The following RBM6 variants were observed in gnomAD, a reference collection of about 807,000 sequenced individuals.
The protein encoded by RBM6 is RNA binding motif protein 6.
In RBM6, 23 loss-of-function variants were observed where a neutral mutation model predicts 140.4. That is an observed-to-expected ratio of 0.16 (90% confidence interval 0.12 to 0.23). The LOEUF is 0.23. Ranked by LOEUF, RBM6 falls within the 10% of genes least tolerant of loss-of-function variation. The pLI is 1.00. For synonymous variants in RBM6, 439 were observed against 475.6 expected (o/e 0.92, Z 1.00); for missense variants, 1,139 against 1,386.7 (o/e 0.82, Z 2.84).
rs57797585 is a variant in RBM6, at chr3:50,030,286, TAA to T, written c.1558-17933_1558-17932del. On this transcript the variant is annotated intron_variant, in intron 6 of 20. Transcript: ENST00000266022. ...TGACAGAGTGAGACTCTTTTTGTCTTAAAAAAAAAAAAAAAAAAAAAAAAAAA... is the reference window on the plus strand; with the variant it reads ...TGACAGAGTGAGACTCTTTTTGTCTTAAAAAAAAAAAAAAAAAAAAAAAAA... Among the ~76,000 whole-genome samples the T allele has an allele frequency of 2.6e-3, 267 of 103,870 alleles. 3 individuals carry two copies. The highest frequency in any genetic ancestry group is 1.0e-2 in the African/African-American group (254 of 25,424). 68.1% of individuals were successfully genotyped at this position (103,870 alleles called of 152,430 possible).
At chr3:50,021,421 C>T (rs2087473742) in intron 6 of RBM6, among the ~76,000 whole-genome samples, 1 of 152,122 alleles carries the variant, frequency 6.6e-6, no homozygotes, top group Non-Finnish European at 1.5e-5. Flanking sequence ...AGGCAGATCA[C>T]CTGAGGTCAG....
chr3:50,076,304 C>T (rs937291058), intron 20 of RBM6, among the ~76,000 whole-genome samples: 5 of 149,738 alleles, frequency 3.3e-5, no homozygotes, highest in Admixed American at 6.7e-5. Flanking sequence ...TGCCAGGGTC[C>T]GGGCGCAGTG....
At position 50,061,560 on chromosome 3, in the gene RBM6, C is replaced by CTTTTTTTTTTTT. The variant is rs10663019; in HGVS notation, c.2439+26_2439+37dup. The stretch of plus-strand genomic sequence containing the variant: ...CCCCAATACCCAGGTGAGTTTGGGG[C>CTTTTTTTTTTTT]TTTTTTTTTTTTTTTTTTTTTTTTA... On this transcript the variant is annotated intron_variant, in intron 14 of 20. Transcript: ENST00000266022. 341 of 1,270,222 alleles carry CTTTTTTTTTTTT rather than the reference C, an allele frequency of 2.7e-4. No individual in the cohort carries two copies. The highest frequency in any genetic ancestry group is 2.3e-3 in the South Asian group (118 of 50,824). 78.7% of individuals were successfully genotyped at this position (1,270,222 alleles called of 1,614,324 possible). A position where few individuals can be genotyped will look rare whatever the true frequency, so the allele number is the denominator to read the frequency against.
At chr3:50,004,635 TGA>T in intron 6 of RBM6, among the ~76,000 whole-genome samples, 1 of 152,042 alleles carries the variant, frequency 6.6e-6, no homozygotes, top group East Asian at 1.9e-4. Flanking sequence ...TTTATTTTTT[TGA>T]GACTTAGGGT....
intron 15 of RBM6, among the ~76,000 whole-genome samples, chr3:50,064,670 C>A (rs1483522725): frequency 2.0e-5 from 3 of 152,006 alleles, no homozygotes; most frequent in Non-Finnish European, 4.4e-5. Context: ...AACCACCACA[C>A]CCAGCTAATT....
chr3:49,980,685 T>G lies in RBM6; in HGVS notation c.1483+5293T>G, dbSNP rs957887698. 3.4e-5 allele frequency among the ~76,000 whole-genome samples: 5 copies of G among 147,210 alleles called. No individual in the cohort carries two copies. In the Admixed American group the frequency reaches 3.5e-4, roughly 10 times the overall value. On this transcript the variant is annotated intron_variant, in intron 5 of 20. Transcript: ENST00000266022. The stretch of plus-strand genomic sequence containing the variant: ...GCTAAGGCAGGAGAATCACTTGAAC[T>G]CGGGAGGCGGAGGTTGCAGTGAGCC...
At chr3:49,958,235 T>C (rs1404400763) in intron 1 of RBM6, among the ~76,000 whole-genome samples, 6 of 148,904 alleles carry the variant, frequency 4.0e-5, no homozygotes, top group Non-Finnish European at 6.0e-5. Context: ...ACCATCCTGG[T>C]TAACACAGTG....
In RBM6 at chr3:49,968,622, C is replaced by T. The variant is rs777359435; in HGVS notation, c.1197C>T (p.Thr399=). Residue 399 remains threonine, a synonymous_variant, in exon 3 of 21, where the codon ACC becomes ACT. Transcript: ENST00000266022. ...TGGACTTTCTTGGGCGGCAAGACAC[C>T]GATTACAGAAGCATGGAGTACCGTG... is the stretch of plus-strand genomic sequence containing the variant. ...GGLDFLGRQD[T]DYRSMEYRDV... is the part of the protein sequence containing the mutation. The T allele has an allele frequency of 1.6e-5, 26 of 1,614,010 alleles. No individual in the cohort carries two copies. Among genetic ancestry groups the T allele is most frequent in the Non-Finnish European group, 1.9e-5 (22 of 1,180,020 alleles).
chr3:49,975,379 G>A lies in RBM6; in HGVS notation c.1470G>A (p.Lys490=). Reference sequence around the variant, plus strand: ...TGCCTGTAAAGAACTTGCAGTTGAAGGAGTATAACACAGGTGAGTTTCTTG... The same window carrying A: ...TGCCTGTAAAGAACTTGCAGTTGAAAGAGTATAACACAGGTGAGTTTCTTG... ...DGMPVKNLQL[K]EYNTGYDYGY... Residue 490 remains lysine, a synonymous_variant, in exon 5 of 21, where the codon AAG becomes AAA. Transcript: ENST00000266022. 6.2e-7 allele frequency: 1 copy of A among 1,613,354 alleles called. No individual in the cohort carries two copies. The highest frequency in any genetic ancestry group is 8.5e-7 in the Non-Finnish European group (1 of 1,179,260).
At chr3:50,057,609 A>AAAAT in intron 8 of RBM6, 119 bp from the exon 9 acceptor site, 3 of 517,138 alleles carry the variant, frequency 5.8e-6, no homozygotes, top group Non-Finnish European at 6.2e-6. Context: ...AAAAAAAAAA[A>AAAAT]GGCATTCCAG....
chr3:50,003,695 A>G (rs2086447257), intron 6 of RBM6, among the ~76,000 whole-genome samples: 1 of 152,214 alleles, frequency 6.6e-6, no homozygotes, highest in Non-Finnish European at 1.5e-5. Context: ...AAACAGTAGG[A>G]TGCTCTGCAG....
chr3:50,021,272 G>C (rs2087466380), intron 6 of RBM6, among the ~76,000 whole-genome samples: 1 of 152,128 alleles, frequency 6.6e-6, no homozygotes, highest in African/African-American at 2.4e-5. Context: ...TCTATCTGTA[G>C]GATAGGAGAG....
chr3:49,994,740 G>C (rs968268209), intron 5 of RBM6, among the ~76,000 whole-genome samples: 7 of 149,804 alleles, frequency 4.7e-5, no homozygotes, highest in African/African-American at 1.7e-4. Context: ...TCTGACAAAG[G>C]CTTCTTAAAA....
chr3:49,961,494 A>G (rs937338796), intron 1 of RBM6, among the ~76,000 whole-genome samples: 1 of 149,138 alleles, frequency 6.7e-6, no homozygotes, highest in South Asian at 2.4e-4. Flanking sequence ...CAGAGTACAC[A>G]TTTTAATTAA....
intron 5 of RBM6, among the ~76,000 whole-genome samples, chr3:49,979,293 T>G (rs1348925801): frequency 1.3e-5 from 2 of 152,168 alleles, no homozygotes; most frequent in African/African-American, 2.4e-5. Flanking sequence ...GACTCCCTAA[T>G]GGTTATGGTA....
At chr3:49,959,573 T>G (rs936916948) in intron 1 of RBM6, among the ~76,000 whole-genome samples, 1 of 130,672 alleles carries the variant, frequency 7.7e-6, no homozygotes, top group African/African-American at 2.6e-5. Flanking sequence ...TATTTAGGGT[T>G]TTTTTTTTTT....
intron 1 of RBM6, among the ~76,000 whole-genome samples, chr3:49,949,752 ATCCGCCCGCC>A (rs1322664338): frequency 6.6e-6 from 1 of 151,754 alleles, no homozygotes; most frequent in Admixed American, 6.6e-5. Context: ...TGACCTCGTG[ATCCGCCCGCC>A]TCCCAAAGTG....
intron 6 of RBM6, among the ~76,000 whole-genome samples, chr3:50,046,182 G>C (rs1346529001): frequency 6.6e-6 from 1 of 151,792 alleles, no homozygotes; most frequent in Non-Finnish European, 1.5e-5. Flanking sequence ...TCGGGAGGCT[G>C]AGGCAGGAGA....
At chr3:49,999,151 A>G (rs1661124561) in intron 5 of RBM6, among the ~76,000 whole-genome samples, 1 of 150,292 alleles carries the variant, frequency 6.7e-6, no homozygotes, top group South Asian at 2.1e-4. Context: ...CTGTGGGATT[A>G]CCCAATTCTG....
Sources: allele counts gnomAD v4.1 joint callset (sites outside exome capture counted in the v4.1 genomes callset), GRCh38; gene constraint gnomAD v4.1.1; transcripts MANE v1.5; gene names NCBI Gene and HGNC (gene_info 2026-07-23, HGNC 2026-07-21).